NRXN1: variants seen among roughly 807,000 people sequenced by gnomAD.
NRXN1 encodes the protein neurexin 1, also known as neurexin-1.
Under a neutral mutation model 150.9 loss-of-function variants are expected in NRXN1, and 39 were observed. That is an observed-to-expected ratio of 0.26 (90% CI 0.20 to 0.34). NRXN1 has a LOEUF of 0.34. Ranked by LOEUF, NRXN1 falls within the 10% of genes least tolerant of loss-of-function variation. The pLI is 1.00. For missense variants in NRXN1, 1,815 were observed against 1,949.9 expected (o/e 0.93, Z 1.30); for synonymous variants, 924 against 757.0 (o/e 1.22, Z -3.62).
chr2:50,455,784 G>C (rs1450445401), intron 17 of NRXN1, among the ~76,000 whole-genome samples: 1 of 152,124 alleles, frequency 6.6e-6, no homozygotes, highest in Non-Finnish European at 1.5e-5. Flanking sequence ...CTTGGTATTG[G>C]ATTCCTTGAA....
rs150699396 is a variant in NRXN1, at chr2:50,200,088, A to G, written c.3546+36701T>C. On this transcript the variant is annotated intron_variant, in intron 18 of 22. Coordinates refer to ENST00000401669, the MANE Select transcript of NRXN1 (RefSeq NM_001330078.2). ...TTATTTTTCATTTTTATTACTTTAT[A>G]GTTTATGAATGTACAATCTACTCAT... 5.9e-3 allele frequency among the ~76,000 whole-genome samples: 893 copies of G among 152,244 alleles called. 22 individuals are homozygous for G. Among genetic ancestry groups the G allele is most frequent in the East Asian group, 0.04 (206 of 5,180 alleles).
At chr2:50,832,849 C>T (rs1327277916) in intron 5 of NRXN1, among the ~76,000 whole-genome samples, 1 of 152,132 alleles carries the variant, frequency 6.6e-6, no homozygotes, top group African/African-American at 2.4e-5. Context: ...AAATGCTAAA[C>T]ATCATCAAAA....
intron 5 of NRXN1, among the ~76,000 whole-genome samples, chr2:50,639,741 C>T (rs1460314727): frequency 6.6e-6 from 1 of 152,040 alleles, no homozygotes; most frequent in African/African-American, 2.4e-5. Flanking sequence ...ACAATATTAT[C>T]ATTTTTCTGT....
At chr2:50,756,847 C>T (rs1269883173) in intron 5 of NRXN1, among the ~76,000 whole-genome samples, 1 of 151,714 alleles carries the variant, frequency 6.6e-6, no homozygotes, top group African/African-American at 2.4e-5. Context: ...CTTATAAGAG[C>T]ATATTTGCAT....
At position 51,001,953 on chromosome 2, in the gene NRXN1, T is replaced by C. The variant is rs183766406; in HGVS notation, c.772+25549A>G. 1.2e-4 allele frequency among the ~76,000 whole-genome samples: 18 copies of C among 152,024 alleles called. 1 individual carries two copies. The highest frequency in any genetic ancestry group is 1.2e-3 in the Admixed American group (18 of 15,238). On this transcript the variant is annotated intron_variant, in intron 2 of 22. Coordinates refer to ENST00000401669, the MANE Select transcript of NRXN1 (RefSeq NM_001330078.2). Reference sequence around the variant, plus strand: ...CTATATTGGGAGGAAAGGAACATCCTTGTCTCTGAAGAAGGGTCACACAGA... The same window carrying C: ...CTATATTGGGAGGAAAGGAACATCCCTGTCTCTGAAGAAGGGTCACACAGA...
intron 5 of NRXN1, among the ~76,000 whole-genome samples, chr2:50,723,888 T>C (rs1019524786): frequency 1.3e-5 from 2 of 152,192 alleles, no homozygotes; most frequent in African/African-American, 2.4e-5. Flanking sequence ...CTGAAAAACA[T>C]CCTAATTTAT....
chr2:50,644,909 T>C (rs1228157882), intron 5 of NRXN1, among the ~76,000 whole-genome samples: 1 of 147,030 alleles, frequency 6.8e-6, no homozygotes, highest in Admixed American at 6.7e-5. Context: ...GCACAGCTCT[T>C]ATATACATAT....
At chr2:50,138,615 T>G (rs568879515) in intron 18 of NRXN1, among the ~76,000 whole-genome samples, 1 of 152,238 alleles carries the variant, frequency 6.6e-6, no homozygotes, top group Non-Finnish European at 1.5e-5. Flanking sequence ...CAAAACTCCA[T>G]TATTTCATTC....
At chr2:50,168,579 T>C (rs1452771) in intron 18 of NRXN1, among the ~76,000 whole-genome samples, 26,472 of 152,214 alleles carry the variant, frequency 0.17, 2,810 homozygotes, top group East Asian at 0.42. Flanking sequence ...CTTTTGTTGA[T>C]AACGAATCAA....
intron 2 of NRXN1, among the ~76,000 whole-genome samples, chr2:50,968,883 C>T (rs1205134763): frequency 6.6e-6 from 1 of 152,010 alleles, no homozygotes; most frequent in East Asian, 1.9e-4. Flanking sequence ...CGACTCATAT[C>T]ACTCTTCTGC....
intron 5 of NRXN1, among the ~76,000 whole-genome samples, chr2:50,668,034 T>C (rs1688320073): frequency 2.0e-5 from 3 of 152,038 alleles, no homozygotes; most frequent in Admixed American, 2.0e-4. Context: ...TGTCTTTGTG[T>C]AATAAGATGC....
rs563696167 is a variant in NRXN1 at position 49,925,154 on chromosome 2, C to A, written c.4217-2903G>T. Among the ~76,000 whole-genome samples, 118 of 151,868 alleles carry A rather than the reference C, an allele frequency of 7.8e-4. 1 individual carries two copies. Among genetic ancestry groups the A allele is most frequent in the African/African-American group, 2.5e-3 (104 of 41,406 alleles). Reference sequence around the variant, plus strand: ...AATTAGCTGGGCATGGTGGCATGCACCTGTAGTCCCAGTTACTTGGGGGAT... The same window carrying A: ...AATTAGCTGGGCATGGTGGCATGCAACTGTAGTCCCAGTTACTTGGGGGAT... On this transcript the variant is annotated intron_variant, in intron 22 of 22. Transcript: ENST00000401669.
At chr2:50,466,763 G>C (rs1394496599) in intron 16 of NRXN1, among the ~76,000 whole-genome samples, 1 of 151,696 alleles carries the variant, frequency 6.6e-6, no homozygotes, top group Non-Finnish European at 1.5e-5. Context: ...AAAATTAAAA[G>C]GGCCTTTGTA....
intron 2 of NRXN1, among the ~76,000 whole-genome samples, chr2:50,969,416 T>C (rs923828850): frequency 6.6e-5 from 10 of 152,274 alleles, no homozygotes; most frequent in African/African-American, 2.4e-4. Flanking sequence ...TAATAAATGC[T>C]GGTTGGTATT....
Position 50,403,386 on chromosome 2 carries a change from C to A in NRXN1, c.3364+62056G>T, listed in dbSNP as rs1361185817. ...AAGGAATCTTAGATTTCATCCCAAA[C>A]CTACTAAATCAGAATCTGCATTTAA... On this transcript the variant is annotated intron_variant, in intron 17 of 22. Transcript: ENST00000401669. Among the ~76,000 whole-genome samples the A allele has an allele frequency of 2.0e-5, 3 of 152,092 alleles. No individual in the cohort carries two copies. The South Asian group carries it at 6.2e-4, about 31-fold the overall frequency.
chr2:50,398,974 G>C (rs1389481254), intron 17 of NRXN1, among the ~76,000 whole-genome samples: 1 of 152,156 alleles, frequency 6.6e-6, no homozygotes, highest in Non-Finnish European at 1.5e-5. Flanking sequence ...TTCCCACTCA[G>C]TTGGAATAAA....
At chr2:50,445,390 A>G (rs569983962) in intron 17 of NRXN1, among the ~76,000 whole-genome samples, 3 of 152,338 alleles carry the variant, frequency 2.0e-5, no homozygotes, top group African/African-American at 4.8e-5. Flanking sequence ...TTTTATCCAC[A>G]TAACTCTTGG....
intron 19 of NRXN1, among the ~76,000 whole-genome samples, chr2:50,070,791 C>A (rs1199498317): frequency 1.4e-5 from 2 of 139,248 alleles, no homozygotes; most frequent in African/African-American, 5.5e-5. Context: ...AAAAAAAAAC[C>A]TGTAATTGGC....
intron 8 of NRXN1, among the ~76,000 whole-genome samples, chr2:50,614,987 A>G (rs1451559506): frequency 6.6e-6 from 1 of 152,074 alleles, no homozygotes; most frequent in Non-Finnish European, 1.5e-5. Context: ...GGAATCAATC[A>G]TTTTTTCCTC....
Sources: gnomAD v4.1 joint callset for allele counts (sites outside exome capture counted in the v4.1 genomes callset) on GRCh38, gnomAD v4.1.1 for gene constraint, MANE v1.5 for transcripts, NCBI Gene and HGNC (gene_info 2026-07-23, HGNC 2026-07-21) for gene names.